CHD2: variants seen among roughly 807,000 people sequenced by gnomAD.
CHD2 encodes ATP-dependent chromatin remodeler CHD2.
Under a neutral mutation model 243.9 loss-of-function variants are expected in CHD2, and 28 were observed. The observed-to-expected ratio is 0.11, with a 90% CI of 0.09 to 0.16. The LOEUF (loss-of-function observed/expected upper bound fraction) is 0.16. Among genes scored for constraint, CHD2 ranks in the 10% least tolerant of loss-of-function variants. The pLI is 1.00. For synonymous variants in CHD2, 775 were observed against 779.0 expected (o/e 0.99, Z 0.09); for missense variants, 1,386 against 2,209.8 (o/e 0.63, Z 7.47).
In CHD2 at chr15:93,027,281, G is replaced by C. The variant is rs1010476002; in HGVS notation, c.*2576G>C. ...ATCTGTGAGGATGGTATTCCCTGGA[G>C]TCTGGCTTTGAAAGATTTCATTGTT... On this transcript the variant is annotated 3_prime_UTR_variant, in exon 39 of 39. Transcript: ENST00000394196. The C allele has an allele frequency of 2.6e-5, 4 of 152,312 alleles. No homozygotes were observed. Among genetic ancestry groups the C allele is most frequent in the African/African-American group, 9.6e-5 (4 of 41,452 alleles). 9.4% of individuals were successfully genotyped at this position (152,312 alleles called of 1,614,324 possible). A position where few individuals can be genotyped will look rare whatever the true frequency, so the allele number is the denominator to read the frequency against.
chr15:92,951,417 T>C (rs2053553038), intron 13 of CHD2, among the ~76,000 whole-genome samples: 1 of 152,094 alleles, frequency 6.6e-6, no homozygotes, highest in Non-Finnish European at 1.5e-5. Flanking sequence ...GTGATCTGCC[T>C]GCCTTGGCCT....
At chr15:92,914,594 C>T (rs2052799984) in intron 2 of CHD2, among the ~76,000 whole-genome samples, 1 of 151,956 alleles carries the variant, frequency 6.6e-6, no homozygotes. Context: ...TTTTTTCTGT[C>T]CTTACTGCTG....
At position 93,026,680 on chromosome 15, in the gene CHD2, C is replaced by G. The variant is rs914835302; in HGVS notation, c.*1975C>G. ...GGCCTGTGTCTCCACTTAGGCCACA[C>G]AGTGATGAGGAAACCACAGATGGAG... On this transcript the variant is annotated 3_prime_UTR_variant, in exon 39 of 39. Coordinates refer to ENST00000394196, the MANE Select transcript of CHD2 (RefSeq NM_001271.4). 1.2e-4 allele frequency: 18 copies of G among 152,294 alleles called. No homozygotes were observed. The highest frequency in any genetic ancestry group is 4.3e-4 in the African/African-American group (18 of 41,470). 9.4% of individuals were successfully genotyped at this position (152,294 alleles called of 1,614,324 possible).
At chr15:92,910,101 G>C (rs950768346) in intron 2 of CHD2, among the ~76,000 whole-genome samples, 8 of 152,020 alleles carry the variant, frequency 5.3e-5, no homozygotes, top group Non-Finnish European at 1.2e-4. Flanking sequence ...CCACCCTCCA[G>C]GCTCAAGCAG....
chr15:92,940,942 T>A (rs866137306), intron 7 of CHD2, among the ~76,000 whole-genome samples: 4 of 133,846 alleles, frequency 3.0e-5, no homozygotes, highest in African/African-American at 1.1e-4. Flanking sequence ...ATATAAAATA[T>A]ATATAAATAT....
chr15:93,021,041 C>G (rs2054529431), intron 38 of CHD2: 1 of 152,228 alleles, frequency 6.6e-6, no homozygotes, highest in South Asian at 2.1e-4. Flanking sequence ...CTGCGTTCTT[C>G]TAGTAGGTCT....
intron 2 of CHD2, among the ~76,000 whole-genome samples, chr15:92,913,465 C>T (rs1326684777): frequency 6.6e-6 from 1 of 152,132 alleles, no homozygotes; most frequent in Non-Finnish European, 1.5e-5. Context: ...TGTTACTGGC[C>T]TCTAGTGGGT....
chr15:92,924,586 C>T, intron 3 of CHD2, 34 bp downstream of exon 3: 1 of 1,576,358 alleles, frequency 6.3e-7, no homozygotes, highest in South Asian at 1.1e-5. Context: ...AAATGTGCTG[C>T]TAGCCTAGGA....
At position 92,953,489 on chromosome 15, in the gene CHD2, C is replaced by A. The variant is rs752473207; in HGVS notation, c.1635C>A (p.Leu545=). 6.2e-7 allele frequency: 1 copy of A among 1,614,210 alleles called. No individual in the cohort carries two copies. The highest frequency in any genetic ancestry group is 2.2e-5 in the East Asian group (1 of 44,876). ...TTATAGTCGTCCCTTTATCCACCCT[C>A]ACCTCATGGCAGAGAGAGTTTGAAA... ...PFLIVVPLST[L]TSWQREFEIW... The change falls in exon 14 of 39, where the codon CTC becomes CTA. Residue 545 remains leucine (L), a synonymous_variant. Coordinates refer to ENST00000394196, the MANE Select transcript of CHD2 (RefSeq NM_001271.4).
chr15:92,953,058 G>A (rs1294920463), intron 13 of CHD2, among the ~76,000 whole-genome samples: 1 of 152,214 alleles, frequency 6.6e-6, no homozygotes, highest in Non-Finnish European at 1.5e-5. Flanking sequence ...TCTTCTCTGT[G>A]ATAAAAGATA....
At chr15:92,919,743 G>T (rs550509009) in intron 2 of CHD2, among the ~76,000 whole-genome samples, 1 of 152,310 alleles carries the variant, frequency 6.6e-6, no homozygotes, top group South Asian at 2.1e-4. Context: ...TTTGTGTAGG[G>T]TGGGATGTAC....
intron 2 of CHD2, among the ~76,000 whole-genome samples, chr15:92,908,146 C>T (rs2052657031): frequency 6.6e-6 from 1 of 151,516 alleles, no homozygotes; most frequent in African/African-American, 2.4e-5. Flanking sequence ...CACCCCCACT[C>T]CCCCAAGCTG....
intron 2 of CHD2, among the ~76,000 whole-genome samples, chr15:92,905,238 A>G (rs2141704737): frequency 6.6e-6 from 1 of 152,226 alleles, no homozygotes; most frequent in South Asian, 2.1e-4. Flanking sequence ...AAATCTTCGC[A>G]ATTATCTTCC....
Position 92,997,000 on chromosome 15 carries a change from C to T in CHD2, c.3639C>T (p.Ser1213=), listed in dbSNP as rs373621677. ...GGAGAGGTCCAACAATCAAGATATC[C>T]GGAGTTCAGGTTAATGTGAAATCCA... is the stretch of plus-strand genomic sequence containing the variant. ...GKRRGPTIKI[S]GVQVNVKSII... The change falls in exon 29 of 39, where the codon TCC becomes TCT. Residue 1213 remains serine, a synonymous_variant. Transcript: ENST00000394196. The T allele has an allele frequency of 2.0e-5, 32 of 1,612,978 alleles. No individual in the cohort carries two copies. The highest frequency in any genetic ancestry group is 9.4e-5 in the African/African-American group (7 of 74,746).
chr15:93,008,508 T>G (rs1020385258), intron 34 of CHD2, among the ~76,000 whole-genome samples: 2 of 152,234 alleles, frequency 1.3e-5, no homozygotes, highest in Non-Finnish European at 2.9e-5. Context: ...TCAGGTTAGT[T>G]CTAGGCTGTC....
intron 21 of CHD2, 68 bp downstream of exon 21, chr15:92,978,451 A>G: frequency 6.7e-7 from 1 of 1,494,478 alleles, no homozygotes; most frequent in South Asian, 1.2e-5. Flanking sequence ...CAGCCCTTTC[A>G]GGATGTTAAT....
At chr15:92,915,556 C>T (rs1047848498) in intron 2 of CHD2, among the ~76,000 whole-genome samples, 2 of 152,118 alleles carry the variant, frequency 1.3e-5, no homozygotes, top group African/African-American at 4.8e-5. Context: ...CAGGCGTGAG[C>T]CACCACGCCC....
chr15:92,932,617 AT>A (rs974945811), intron 5 of CHD2, among the ~76,000 whole-genome samples: 1 of 152,088 alleles, frequency 6.6e-6, no homozygotes, highest in African/African-American at 2.4e-5. Context: ...TACAAAGGAC[AT>A]GTCTGATTTC....
intron 28 of CHD2, among the ~76,000 whole-genome samples, chr15:92,995,159 T>C (rs2054171141): frequency 6.6e-6 from 1 of 152,206 alleles, no homozygotes; most frequent in Non-Finnish European, 1.5e-5. Context: ...ACACTAACAA[T>C]ATAAAGTCAA....
Sources: gnomAD v4.1 joint callset for allele counts (sites outside exome capture counted in the v4.1 genomes callset) on GRCh38, gnomAD v4.1.1 for gene constraint, MANE v1.5 for transcripts, NCBI Gene and HGNC (gene_info 2026-07-23, HGNC 2026-07-21) for gene names.